Variants in BRINP3 observed in about 807,000 individuals in gnomAD.
BRINP3 encodes the protein BMP/retinoic acid inducible neural specific 3.
Under a neutral mutation model 71.0 loss-of-function variants are expected in BRINP3, and 19 were observed. The ratio of observed to expected loss-of-function variants is 0.27; its 90% CI spans 0.19 to 0.39. The LOEUF is 0.39. BRINP3 is among the 10% of genes least tolerant of loss of function. The pLI, the probability that BRINP3 is intolerant of heterozygous loss-of-function variation, is 1.00. For missense variants in BRINP3, 959 were observed against 940.8 expected (o/e 1.02, Z -0.25); for synonymous variants, 380 against 337.7 (o/e 1.13, Z -1.37).
intron 2 of BRINP3, 127 bp downstream of exon 2, chr1:190,454,528 G>A: frequency 3.0e-6 from 2 of 674,338 alleles, no homozygotes; most frequent in Non-Finnish European, 2.5e-6. Context: ...CATTACTATG[G>A]TGCATGGTAA....
At chr1:190,326,455 C>G (rs866624544) in intron 2 of BRINP3, among the ~76,000 whole-genome samples, 4 of 151,878 alleles carry the variant, frequency 2.6e-5, no homozygotes, top group Non-Finnish European at 5.9e-5. Context: ...ATCAGGAGAC[C>G]ACCTACAAAA....
At chr1:190,344,859 C>G (rs540822114) in intron 2 of BRINP3, among the ~76,000 whole-genome samples, 2 of 151,720 alleles carry the variant, frequency 1.3e-5, no homozygotes, top group Non-Finnish European at 2.9e-5. Context: ...ATGCCATCAA[C>G]GACCTTAGGG....
At chr1:190,293,300 T>G (rs1664009249) in intron 2 of BRINP3, among the ~76,000 whole-genome samples, 1 of 152,182 alleles carries the variant, frequency 6.6e-6, no homozygotes, top group African/African-American at 2.4e-5. Context: ...AGTAGCATGT[T>G]GTTTTATTCC....
chr1:190,372,784 A>G (rs897152449), intron 2 of BRINP3, among the ~76,000 whole-genome samples: 3 of 152,240 alleles, frequency 2.0e-5, no homozygotes, highest in African/African-American at 7.2e-5. Flanking sequence ...ACAATTTGAG[A>G]GTATATATTT....
At chr1:190,230,082 T>G (rs923513460) in intron 5 of BRINP3, among the ~76,000 whole-genome samples, 5 of 151,958 alleles carry the variant, frequency 3.3e-5, no homozygotes, top group African/African-American at 1.2e-4. Flanking sequence ...AAGAGATAAT[T>G]AGGGAACTGA....
At chr1:190,225,040 T>C (rs1657221921) in intron 6 of BRINP3, among the ~76,000 whole-genome samples, 1 of 151,908 alleles carries the variant, frequency 6.6e-6, no homozygotes, top group Admixed American at 6.6e-5. Context: ...GAAATATAGA[T>C]TAGTAGAGCC....
chr1:190,338,669 TGTAATA>T (rs1227749585), intron 2 of BRINP3, among the ~76,000 whole-genome samples: 1 of 151,980 alleles, frequency 6.6e-6, no homozygotes, highest in Non-Finnish European at 1.5e-5. Flanking sequence ...ATAAAATTGC[TGTAATA>T]GTATTTTTTT....
At chr1:190,313,660 T>C (rs774682428) in intron 2 of BRINP3, among the ~76,000 whole-genome samples, 5 of 152,056 alleles carry the variant, frequency 3.3e-5, no homozygotes, top group Non-Finnish European at 7.4e-5. Flanking sequence ...TGATAAGTAC[T>C]GTCTGCATTA....
At chr1:190,383,349 T>C (rs1265002328) in intron 2 of BRINP3, among the ~76,000 whole-genome samples, 1 of 152,074 alleles carries the variant, frequency 6.6e-6, no homozygotes, top group Non-Finnish European at 1.5e-5. Flanking sequence ...CATACAGAAG[T>C]GAGAACTCAT....
chr1:190,199,785 C>A (rs199568952), intron 6 of BRINP3, among the ~76,000 whole-genome samples: 7,255 of 125,258 alleles, frequency 0.058, 649 homozygotes, highest in African/African-American at 0.18. Context: ...AAAAAAAAAA[C>A]AAAAACAAAA....
chr1:190,234,227 C>T (rs529620404), intron 5 of BRINP3, 145 bp downstream of exon 5: 18 of 469,744 alleles, frequency 3.8e-5, no homozygotes, highest in African/African-American at 3.0e-4. Context: ...TTTCTTGTAT[C>T]AGTTAAATTA....
intron 2 of BRINP3, among the ~76,000 whole-genome samples, chr1:190,446,242 T>C (rs1294980790): frequency 6.6e-6 from 1 of 152,066 alleles, no homozygotes; most frequent in Non-Finnish European, 1.5e-5. Context: ...AGCAATATTG[T>C]TGTTGAACAC....
intron 6 of BRINP3, among the ~76,000 whole-genome samples, chr1:190,206,883 A>G (rs1655547512): frequency 6.6e-6 from 1 of 152,032 alleles, no homozygotes; most frequent in Non-Finnish European, 1.5e-5. Flanking sequence ...TTGTAGGCAA[A>G]TACCTGAAGG....
At chr1:190,265,145 T>A in intron 3 of BRINP3, 90 bp from the exon 4 acceptor site, 1 of 1,191,126 alleles carries the variant, frequency 8.4e-7, no homozygotes, top group African/African-American at 1.6e-5. Context: ...AGCTTATGAA[T>A]ATAGTAAAAC....
rs530419392 is a variant in BRINP3 at position 190,431,377 on chromosome 1, T to C, written c.236+23278A>G. Among the ~76,000 whole-genome samples the C allele has an allele frequency of 1.3e-4, 20 of 152,264 alleles. No homozygotes were observed. In the East Asian group the frequency reaches 3.9e-3, roughly 29 times the overall value. On this transcript the variant is annotated intron_variant, in intron 2 of 7. Coordinates refer to ENST00000367462, the MANE Select transcript of BRINP3 (RefSeq NM_199051.3). Reference sequence around the variant, plus strand: ...ATTTATTTTTATTTACTTATATTTTTAGACGGCGACTCTCTCTGCTGCCCA... The same window carrying C: ...ATTTATTTTTATTTACTTATATTTTCAGACGGCGACTCTCTCTGCTGCCCA...
chr1:190,378,853 G>A (rs1309346597), intron 2 of BRINP3, among the ~76,000 whole-genome samples: 1 of 152,128 alleles, frequency 6.6e-6, no homozygotes, highest in Non-Finnish European at 1.5e-5. Context: ...CACTAATTGA[G>A]TGTGTGCGGC....
chr1:190,101,991 A>T (rs1467589937), intron 7 of BRINP3, among the ~76,000 whole-genome samples: 1 of 152,144 alleles, frequency 6.6e-6, no homozygotes, highest in Non-Finnish European at 1.5e-5. Flanking sequence ...CTCATGTATG[A>T]ATACTGATAA....
chr1:190,439,113 T>C (rs1437878771), intron 2 of BRINP3, among the ~76,000 whole-genome samples: 1 of 151,850 alleles, frequency 6.6e-6, no homozygotes, highest in East Asian at 1.9e-4. Context: ...GCGAGAGGCG[T>C]AGGTGAGTAC....
rs141008199 is a variant in BRINP3, at chr1:190,454,755, A to C, written c.136T>G (p.Trp46Gly). The C allele has an allele frequency of 6.2e-7, 1 of 1,614,184 alleles. No individual in the cohort carries two copies. The highest frequency in any genetic ancestry group is 8.5e-7 in the Non-Finnish European group (1 of 1,180,036). The change falls in exon 2 of 8, where the codon TGG becomes GGG. Residue 46 changes from tryptophan to glycine, a missense_variant. By Grantham distance (184) the Trp-to-Gly change is radical. Coordinates refer to ENST00000367462, the MANE Select transcript of BRINP3 (RefSeq NM_199051.3). ...AAGGGTCCCTTATCAGAGAGGAGCC[A>C]GTCGAAGGGGCTTGTGGCATGCTGA... ...SDQHATSPFD[W>G]LLSDKGPFHR...
Sources: allele counts gnomAD v4.1 joint callset (sites outside exome capture counted in the v4.1 genomes callset), GRCh38; gene constraint gnomAD v4.1.1; transcripts MANE v1.5; gene names NCBI Gene and HGNC (gene_info 2026-07-23, HGNC 2026-07-21).